Variants in PTPRK observed in about 807,000 individuals in gnomAD.
PTPRK encodes protein tyrosine phosphatase receptor type K.
In PTPRK, 75 loss-of-function variants were observed where a neutral mutation model predicts 178.0. The ratio of observed to expected loss-of-function variants is 0.42; its 90% CI spans 0.35 to 0.51. The LOEUF (loss-of-function observed/expected upper bound fraction) is 0.51. Ranked by LOEUF, PTPRK falls within the 20% of genes least tolerant of loss-of-function variation. The pLI, the probability that PTPRK is intolerant of heterozygous loss-of-function variation, is 0.02. For missense variants in PTPRK, 1,441 were observed against 1,797.8 expected (o/e 0.80, Z 3.59); for synonymous variants, 637 against 620.6 (o/e 1.03, Z -0.39).
intron 2 of PTPRK, among the ~76,000 whole-genome samples, chr6:128,340,237 A>T (rs187138195): frequency 6.6e-6 from 1 of 152,314 alleles, no homozygotes; most frequent in East Asian, 1.9e-4. Context: ...TCAAATTTTT[A>T]AAAATAGCTA....
At chr6:128,251,957 A>C (rs896995421) in intron 3 of PTPRK, among the ~76,000 whole-genome samples, 1 of 152,208 alleles carries the variant, frequency 6.6e-6, no homozygotes, top group Non-Finnish European at 1.5e-5. Flanking sequence ...CATGAAAAGC[A>C]GCTAGAGCAT....
In PTPRK at chr6:128,083,736, A is replaced by G; in HGVS notation, c.1554T>C (p.Asn518=). 1.3e-6 allele frequency: 2 copies of G among 1,599,402 alleles called. No individual in the cohort carries two copies. Among genetic ancestry groups the G allele is most frequent in the Non-Finnish European group, 1.7e-6 (2 of 1,169,670 alleles). ...FLNWKEPLDP[N]GIITQYEISY... is the part of the protein sequence containing the mutation. ...ATACCTCATATTGAGTGATGATTCC[A>G]TTTGGATCCAAAGGTTCTTTCCAGT... Residue 518 remains asparagine (N), a synonymous_variant, in exon 9 of 30, where the codon AAT becomes AAC. Transcript: ENST00000368226.
chr6:128,416,884 ACT>A (rs1334096329), intron 1 of PTPRK, among the ~76,000 whole-genome samples: 1 of 150,858 alleles, frequency 6.6e-6, no homozygotes, highest in Non-Finnish European at 1.5e-5. Flanking sequence ...AGCTAAACTA[ACT>A]CAGGTTTAAA....
At position 128,240,058 on chromosome 6, in the gene PTPRK, C is replaced by G. The variant is rs767288000; in HGVS notation, c.670G>C (p.Val224Leu). ...FQCIATGRDA[V>L]HNKLWLQRRN... Reference sequence around the variant, plus strand: ...ACCTGGAGCCATAACTTGTTATGCACAGCATCTCTCCCTGTGGCAATGCAC... The same window carrying G: ...ACCTGGAGCCATAACTTGTTATGCAGAGCATCTCTCCCTGTGGCAATGCAC... The change falls in exon 5 of 30, where the codon GTG becomes CTG. Residue 224 changes from valine (V) to leucine (L), a missense_variant. By Grantham distance (32) the Val-to-Leu change is conservative. Coordinates refer to ENST00000368226, the MANE Select transcript of PTPRK (RefSeq NM_002844.4). 3.7e-6 allele frequency: 6 copies of G among 1,613,932 alleles called. No homozygotes were observed. The highest frequency in any genetic ancestry group is 1.3e-5 in the African/African-American group (1 of 74,922).
chr6:128,119,280 T>G (rs868778777), intron 7 of PTPRK, among the ~76,000 whole-genome samples: 6 of 151,870 alleles, frequency 4.0e-5, no homozygotes, highest in South Asian at 2.1e-4. Context: ...GTTTTTTTTT[T>G]AAATTTACAT....
chr6:128,278,127 A>T (rs530044970), intron 3 of PTPRK, among the ~76,000 whole-genome samples: 110 of 76,262 alleles, frequency 1.4e-3, no homozygotes, highest in Admixed American at 5.5e-3. Flanking sequence ...TGTGTTTTTT[A>T]TTTATTTATT....
intron 7 of PTPRK, among the ~76,000 whole-genome samples, chr6:128,157,585 A>G (rs977306150): frequency 2.0e-5 from 3 of 151,984 alleles, no homozygotes; most frequent in Non-Finnish European, 4.4e-5. Context: ...ATTAAATATA[A>G]ATACTCAAGA....
Position 128,365,045 on chromosome 6 carries a change from T to A in PTPRK, c.223+32521A>T, listed in dbSNP as rs369243629. Among the ~76,000 whole-genome samples the A allele has an allele frequency of 5.9e-5, 9 of 152,204 alleles. No individual in the cohort carries two copies. In the East Asian group the frequency reaches 1.2e-3, roughly 20 times the overall value. ...TTAAGAATAGGTTTGTAACGTAGACTGTATCTGCATATATCTGAATAGATA... is the reference window on the plus strand; with the variant it reads ...TTAAGAATAGGTTTGTAACGTAGACAGTATCTGCATATATCTGAATAGATA... On this transcript the variant is annotated intron_variant, in intron 2 of 29. Transcript: ENST00000368226.
At chr6:128,152,765 AAAAT>A (rs1316858856) in intron 7 of PTPRK, among the ~76,000 whole-genome samples, 3 of 152,022 alleles carry the variant, frequency 2.0e-5, no homozygotes, top group African/African-American at 7.2e-5. Context: ...AGGGTGATTA[AAAAT>A]AAATAAGGTC....
chr6:128,278,972 G>A (rs1463466355), intron 3 of PTPRK, among the ~76,000 whole-genome samples: 1 of 152,100 alleles, frequency 6.6e-6, no homozygotes, highest in Non-Finnish European at 1.5e-5. Flanking sequence ...AGTCCAGGAT[G>A]GGGTCCTGAG....
intron 13 of PTPRK, among the ~76,000 whole-genome samples, chr6:128,061,313 A>G (rs1272162939): frequency 1.3e-5 from 2 of 152,136 alleles, no homozygotes; most frequent in East Asian, 3.8e-4. Flanking sequence ...GAATGTTTTA[A>G]GTTTTCAAAA....
At chr6:128,151,851 TTCAC>T (rs921136782) in intron 7 of PTPRK, among the ~76,000 whole-genome samples, 41 of 152,040 alleles carry the variant, frequency 2.7e-4, no homozygotes, top group African/African-American at 9.9e-4. Flanking sequence ...CTTTGAAACT[TTCAC>T]TAATGAAGAA....
At chr6:128,386,932 G>A (rs1838826500) in intron 2 of PTPRK, among the ~76,000 whole-genome samples, 1 of 152,092 alleles carries the variant, frequency 6.6e-6, no homozygotes, top group Admixed American at 6.5e-5. Flanking sequence ...GCTGGGCATG[G>A]TGGTGCATGC....
intron 11 of PTPRK, among the ~76,000 whole-genome samples, chr6:128,076,533 C>T (rs1783848721): frequency 6.6e-6 from 1 of 151,930 alleles, no homozygotes; most frequent in Non-Finnish European, 1.5e-5. Context: ...GTAACATTCA[C>T]TTCAAAAAAA....
intron 5 of PTPRK, among the ~76,000 whole-genome samples, chr6:128,231,435 A>T (rs986672344): frequency 1.3e-5 from 2 of 152,208 alleles, no homozygotes; most frequent in Non-Finnish European, 2.9e-5. Context: ...TATCAGCTAA[A>T]GTTTAGAGCA....
chr6:128,448,875 T>C (rs192373732), intron 1 of PTPRK, among the ~76,000 whole-genome samples: 1 of 152,310 alleles, frequency 6.6e-6, no homozygotes, highest in Non-Finnish European at 1.5e-5. Context: ...TTTTTGTTTT[T>C]TTGAGAAAGA....
chr6:128,519,101 C>G lies in PTPRK; in HGVS notation c.100+1158G>C, dbSNP rs752699990. The G allele has an allele frequency of 4.7e-5, 25 of 531,190 alleles. No homozygotes were observed. Among genetic ancestry groups the G allele is most frequent in the South Asian group, 9.9e-5 (7 of 70,916 alleles). 32.9% of individuals were successfully genotyped at this position (531,190 alleles called of 1,614,324 possible). On this transcript the variant is annotated intron_variant, in intron 1 of 29. Transcript: ENST00000368226. This position sits in a 1 kb window ranked among gnomAD's most constrained non-coding sequence, Gnocchi z 4.3. The stretch of plus-strand genomic sequence containing the variant: ...GCCACCACTGCGTCTCCATCTGCAC[C>G]GCGAACCCCAGCAGCAGATGCGCTC...
At chr6:128,294,198 T>C (rs1823875322) in intron 3 of PTPRK, among the ~76,000 whole-genome samples, 2 of 152,118 alleles carry the variant, frequency 1.3e-5, no homozygotes. Flanking sequence ...CAAATATTCT[T>C]AAAAAGAAGA....
chr6:128,123,682 C>T (rs1192533047), intron 7 of PTPRK, among the ~76,000 whole-genome samples: 1 of 152,058 alleles, frequency 6.6e-6, no homozygotes, highest in Non-Finnish European at 1.5e-5. Context: ...CTTTCTGTTC[C>T]AGGTTCCCAA....
Sources: allele counts gnomAD v4.1 joint callset (sites outside exome capture counted in the v4.1 genomes callset), GRCh38; gene constraint gnomAD v4.1.1; non-coding constraint Gnocchi (gnomAD v3.1); transcripts MANE v1.5; gene names NCBI Gene and HGNC (gene_info 2026-07-23, HGNC 2026-07-21).